The following ZC3H6 variants were observed in gnomAD, a reference collection of about 807,000 sequenced individuals.
ZC3H6 encodes the protein zinc finger CCCH domain-containing protein 6.
Under a neutral mutation model 107.7 loss-of-function variants are expected in ZC3H6, and 40 were observed. That is an observed-to-expected ratio of 0.37 (90% CI 0.29 to 0.48). The LOEUF is 0.48. ZC3H6 is among the 20% of genes least tolerant of loss of function. ZC3H6 has a pLI of 0.98. For synonymous variants in ZC3H6, 493 were observed against 487.9 expected, an observed-to-expected ratio of 1.01 and a Z score of -0.14; for missense variants, 1,267 against 1,410.4, an observed-to-expected ratio of 0.90 and a Z score of 1.63.
Position 112,331,908 on chromosome 2 carries a change from A to G in ZC3H6, c.2990A>G (p.His997Arg). The G allele has an allele frequency of 1.9e-6, 3 of 1,613,964 alleles. No homozygotes were observed. The South Asian group carries it at 3.3e-5, about 18-fold the overall frequency. ...KDSHASKGAP[H>R]LPRSNPGSSQ... ...TCACATGCATCAAAGGGTGCCCCTC[A>G]CTTACCCAGATCAAACCCTGGTTCA... The change falls in exon 12 of 12, where the codon CAC (histidine) becomes CGC (arginine). Residue 997 changes from histidine to arginine, a missense_variant. Around this residue, in one of 3 missense-constraint regions of ZC3H6, gnomAD observed 925 missense variants for 1,025.7 expected, o/e 0.90. Coordinates refer to ENST00000409871, the MANE Select transcript of ZC3H6 (RefSeq NM_198581.3).
At chr2:112,314,127 A>C (rs1367593269) in intron 5 of ZC3H6, among the ~76,000 whole-genome samples, 2 of 152,208 alleles carry the variant, frequency 1.3e-5, no homozygotes, top group East Asian at 3.9e-4. Flanking sequence ...TTTTAAAATG[A>C]CCAAGTACAG....
At chr2:112,301,583 T>C (rs887621984) in intron 2 of ZC3H6, among the ~76,000 whole-genome samples, 2 of 152,262 alleles carry the variant, frequency 1.3e-5, no homozygotes, top group South Asian at 2.1e-4. Context: ...ATAGTTGTTA[T>C]TGTAAGATAA....
At chr2:112,297,202 C>A (rs1316452559) in intron 1 of ZC3H6, among the ~76,000 whole-genome samples, 1 of 152,142 alleles carries the variant, frequency 6.6e-6, no homozygotes. Flanking sequence ...TCAGCAGTTA[C>A]CAACTCATGG....
In ZC3H6 at chr2:112,334,411, A is replaced by G. The variant is rs937387648; in HGVS notation, c.*1923A>G. Reference sequence around the variant, plus strand: ...GCTGTTTACATTTTAAGCATCATACAAAAAAGATAATTTGGCTTGCTAAAC... The same window carrying G: ...GCTGTTTACATTTTAAGCATCATACGAAAAAGATAATTTGGCTTGCTAAAC... On this transcript the variant is annotated 3_prime_UTR_variant, in exon 12 of 12. Coordinates refer to ENST00000409871, the MANE Select transcript of ZC3H6 (RefSeq NM_198581.3). 6.6e-6 allele frequency: 1 copy of G among 152,132 alleles called. No homozygotes were observed. Among genetic ancestry groups the G allele is most frequent in the African/African-American group, 2.4e-5 (1 of 41,440 alleles). The allele number at this position is 152,132 out of a possible 1,614,324, so 9.4% of individuals were successfully genotyped here.
At chr2:112,326,903 G>A (rs914534793) in intron 11 of ZC3H6, among the ~76,000 whole-genome samples, 96 of 152,154 alleles carry the variant, frequency 6.3e-4, no homozygotes, top group African/African-American at 2.0e-3. Flanking sequence ...GTGCGCCACC[G>A]TGCCTGGCCA....
chr2:112,312,377 GGTTGGA>G (rs1676610068), intron 5 of ZC3H6, among the ~76,000 whole-genome samples: 2 of 152,084 alleles, frequency 1.3e-5, no homozygotes, highest in African/African-American at 2.4e-5. Flanking sequence ...GGATATAAAT[GGTTGGA>G]AAGGTGAACT....
At chr2:112,309,498 A>G (rs538696706) in intron 3 of ZC3H6, among the ~76,000 whole-genome samples, 7 of 152,302 alleles carry the variant, frequency 4.6e-5, no homozygotes, top group Admixed American at 3.3e-4. Flanking sequence ...TAGGAGAAAT[A>G]GTATGTTTTA....
chr2:112,276,003 C>G lies in ZC3H6; in HGVS notation c.9C>G (p.Asp3Glu). MT[D>E]SEHAGHDRED... The stretch of plus-strand genomic sequence containing the variant: ...CCCGTTCTTGACCAAACATGACAGA[C>G]TCTGAACATGCAGGGCACGACAGGT... The change falls in exon 1 of 12, where the codon GAC becomes GAG. Residue 3 changes from aspartate (D) to glutamate (E), a missense_variant. Physicochemically the swap from Asp to Glu is conservative, Grantham distance 45 (BLOSUM62 2). Coordinates refer to ENST00000409871, the MANE Select transcript of ZC3H6 (RefSeq NM_198581.3). The G allele has an allele frequency of 6.5e-7, 1 of 1,541,288 alleles. No individual in the cohort carries two copies. Among genetic ancestry groups the G allele is most frequent in the Non-Finnish European group, 8.7e-7 (1 of 1,143,160 alleles).
intron 11 of ZC3H6, among the ~76,000 whole-genome samples, chr2:112,330,258 T>C (rs951169327): frequency 2.0e-5 from 3 of 152,114 alleles, no homozygotes; most frequent in Admixed American, 6.5e-5. Context: ...TTTCACCGAG[T>C]TAGCCAGGAT....
intron 1 of ZC3H6, among the ~76,000 whole-genome samples, chr2:112,293,750 A>G (rs1032888071): frequency 1.3e-5 from 2 of 152,260 alleles, no homozygotes; most frequent in Admixed American, 1.3e-4. Flanking sequence ...CAGAATAGGC[A>G]TGGGCAAAGC....
Position 112,338,534 on chromosome 2 carries a change from A to T in ZC3H6, c.*6046A>T, listed in dbSNP as rs1677172245. 1 of 152,076 alleles carries T rather than the reference A, an allele frequency of 6.6e-6. No individual in the cohort carries two copies. Among genetic ancestry groups the T allele is most frequent in the Non-Finnish European group, 1.5e-5 (1 of 68,000 alleles). The allele number at this position is 152,076 out of a possible 1,614,324, so 9.4% of individuals were successfully genotyped here. A position where few individuals can be genotyped will look rare whatever the true frequency, so the allele number is the denominator to read the frequency against. On this transcript the variant is annotated 3_prime_UTR_variant, in exon 12 of 12. Coordinates refer to ENST00000409871, the MANE Select transcript of ZC3H6 (RefSeq NM_198581.3). ...TATTTTACAGCGTTGTTTATTCTTG[A>T]CCTTCTTGTTTTTTAAGCTTAGAGT...
In ZC3H6 at chr2:112,337,023, G is replaced by GT; in HGVS notation, c.*4536dup. On this transcript the variant is annotated 3_prime_UTR_variant, in exon 12 of 12. Transcript: ENST00000409871. Reference sequence around the variant, plus strand: ...CACCCGTTAAACAGGTGTGGCAGAAGTATTCCATGACTGCATTAGGAAGAA... The same window carrying GT: ...CACCCGTTAAACAGGTGTGGCAGAAGTTATTCCATGACTGCATTAGGAAGAA... 6.6e-6 allele frequency: 1 copy of GT among 152,102 alleles called. No homozygotes were observed. The highest frequency in any genetic ancestry group is 6.6e-5 in the Admixed American group (1 of 15,248). 9.4% of individuals were successfully genotyped at this position (152,102 alleles called of 1,614,324 possible). A position where few individuals can be genotyped will look rare whatever the true frequency, so the allele number is the denominator to read the frequency against.
At chr2:112,322,963 A>T in intron 9 of ZC3H6, 61 bp downstream of exon 9, 5 of 1,466,922 alleles carry the variant, frequency 3.4e-6, no homozygotes, top group Admixed American at 2.2e-5. Flanking sequence ...TCATTAAGAA[A>T]CTAAGTCATA....
Position 112,311,938 on chromosome 2 carries a change from G to T in ZC3H6, c.747+1G>T. On this transcript the variant is annotated splice_donor_variant, in intron 5 of 11. Coordinates refer to ENST00000409871, the MANE Select transcript of ZC3H6 (RefSeq NM_198581.3). LOFTEE classifies it high-confidence loss of function. ...TTCAGTATCGGATGACTTTCAAGAG[G>T]TACTAAGAATTTATGTATAAGGAGG... 1 of 1,607,054 alleles carries T rather than the reference G, an allele frequency of 6.2e-7. No individual in the cohort carries two copies. The highest frequency in any genetic ancestry group is 8.5e-7 in the Non-Finnish European group (1 of 1,176,672).
At chr2:112,278,464 C>A (rs1477717431) in intron 1 of ZC3H6, among the ~76,000 whole-genome samples, 1 of 152,078 alleles carries the variant, frequency 6.6e-6, no homozygotes, top group African/African-American at 2.4e-5. Flanking sequence ...ATTACAGGCA[C>A]CCGCCACCAC....
At chr2:112,324,068 TAACC>T (rs1676855939) in intron 9 of ZC3H6, 80 bp from the exon 10 acceptor site, 1 of 1,422,620 alleles carries the variant, frequency 7.0e-7, no homozygotes, top group African/African-American at 1.4e-5. Context: ...AAAAAGTACT[TAACC>T]AATATCTGTT....
At chr2:112,290,604 C>T (rs1262606647) in intron 1 of ZC3H6, among the ~76,000 whole-genome samples, 1 of 151,414 alleles carries the variant, frequency 6.6e-6, no homozygotes, top group Non-Finnish European at 1.5e-5. Flanking sequence ...GCCATTGTAT[C>T]CCCACTGAGA....
intron 5 of ZC3H6, among the ~76,000 whole-genome samples, chr2:112,314,037 C>T (rs1216697877): frequency 6.6e-6 from 1 of 152,020 alleles, no homozygotes; most frequent in Non-Finnish European, 1.5e-5. Context: ...CTGGTAGATC[C>T]TTACATTTCC....
chr2:112,320,370 C>T (rs1676779525), intron 7 of ZC3H6, among the ~76,000 whole-genome samples: 2 of 152,134 alleles, frequency 1.3e-5, no homozygotes, highest in South Asian at 4.1e-4. Context: ...ATGATTAACT[C>T]ATTGTCTTAT....
Sources: gnomAD v4.1 joint callset for allele counts (sites outside exome capture counted in the v4.1 genomes callset) on GRCh38, gnomAD v4.1.1 for gene constraint, gnomAD v4.1.1 regional missense constraint, MANE v1.5 for transcripts, NCBI Gene and HGNC (gene_info 2026-07-23, HGNC 2026-07-21) for gene names.